The following CDK8 variants were observed in gnomAD, a reference collection of about 807,000 sequenced individuals.
The protein encoded by CDK8 is cyclin-dependent kinase 8.
Under a neutral mutation model 71.5 loss-of-function variants are expected in CDK8, and 29 were observed. The observed-to-expected ratio is 0.41, with a 90% CI of 0.30 to 0.55. The LOEUF is 0.55. CDK8 is among the 20% of genes least tolerant of loss of function. The pLI is 0.37. For missense variants in CDK8, 288 were observed against 572.6 expected (o/e 0.50, Z 5.07); for synonymous variants, 161 against 192.1 (o/e 0.84, Z 1.34).
intron 6 of CDK8, 47 bp from the exon 7 acceptor site, chr13:26,393,320 T>C (rs1326619276): frequency 7.8e-7 from 1 of 1,288,974 alleles, no homozygotes; most frequent in Non-Finnish European, 1.1e-6. Context: ...TTTTTCTTTT[T>C]TCCTTGCCTA....
In CDK8 at chr13:26,404,024, A is replaced by G. The variant is rs1876392079; in HGVS notation, c.1338A>G (p.Gly446=). 1.5e-5 allele frequency: 24 copies of G among 1,614,000 alleles called. No individual in the cohort carries two copies. The highest frequency in any genetic ancestry group is 1.9e-5 in the Non-Finnish European group (23 of 1,179,996). The change falls in exon 13 of 13, where the codon GGA becomes GGG. Residue 446 remains glycine, a synonymous_variant. Transcript: ENST00000381527. ...CATCACAGCCGCAGAGCAGCATGGG[A>G]TACTCAGCTACCTCCCAGCAGCCTC... ...PSTSQPQSSM[G]YSATSQQPPQ...
chr13:26,351,593 A>G (rs1434769977), intron 3 of CDK8, among the ~76,000 whole-genome samples: 1 of 152,190 alleles, frequency 6.6e-6, no homozygotes, highest in African/African-American at 2.4e-5. Context: ...TCTAGCTGCT[A>G]GTTTGTAATA....
At position 26,396,802 on chromosome 13, in the gene CDK8, A is replaced by T. The variant is rs1565999129; in HGVS notation, c.861-351A>T. Among the ~76,000 whole-genome samples, 3 of 152,242 alleles carry T rather than the reference A, an allele frequency of 2.0e-5. No individual in the cohort carries two copies. In the East Asian group the frequency reaches 5.8e-4, roughly 29 times the overall value. ...GGGATTGGGAGAGTTTAGTTTGTAT[A>T]CCTATGACAAAAGTATTTTACACTT... On this transcript the variant is annotated intron_variant, in intron 8 of 12. Transcript: ENST00000381527.
chr13:26,317,003 G>A (rs1469840955), intron 1 of CDK8, among the ~76,000 whole-genome samples: 1 of 152,012 alleles, frequency 6.6e-6, no homozygotes. Flanking sequence ...TGTCAATTAA[G>A]AGATAGAAAA....
At chr13:26,312,141 A>C (rs180884621) in intron 1 of CDK8, among the ~76,000 whole-genome samples, 1 of 152,266 alleles carries the variant, frequency 6.6e-6, no homozygotes. Context: ...TTGTAAATGC[A>C]CCAATCAGCA....
At chr13:26,347,864 G>A (rs1873524612) in intron 2 of CDK8, among the ~76,000 whole-genome samples, 1 of 152,110 alleles carries the variant, frequency 6.6e-6, no homozygotes, top group Non-Finnish European at 1.5e-5. Context: ...AAATGGTACA[G>A]CTGCAAGTTT....
rs144151586 is a variant in CDK8, at chr13:26,329,803, C to T, written c.129-7764C>T. Among the ~76,000 whole-genome samples, 1,188 of 152,080 alleles carry T rather than the reference C, an allele frequency of 7.8e-3. 26 individuals carry two copies. The highest frequency in any genetic ancestry group is 0.027 in the African/African-American group (1,122 of 41,474). On this transcript the variant is annotated intron_variant, in intron 1 of 12. Coordinates refer to ENST00000381527, the MANE Select transcript of CDK8 (RefSeq NM_001260.3). Reference sequence around the variant, plus strand: ...ACAAGCCTGAGCCACTGCACCCGGCCGCCTATTTCTAAAATCTCATCTGTC... The same window carrying T: ...ACAAGCCTGAGCCACTGCACCCGGCTGCCTATTTCTAAAATCTCATCTGTC...
chr13:26,336,700 C>T (rs945877755), intron 1 of CDK8, among the ~76,000 whole-genome samples: 2 of 152,074 alleles, frequency 1.3e-5, no homozygotes, highest in Admixed American at 1.3e-4. Flanking sequence ...ACTACAGGCG[C>T]CCGCCACCAC....
At chr13:26,368,562 G>A (rs1565988618) in intron 4 of CDK8, among the ~76,000 whole-genome samples, 1 of 152,080 alleles carries the variant, frequency 6.6e-6, no homozygotes, top group East Asian at 1.9e-4. Context: ...GAAATTCTAA[G>A]ATTTAAAAAG....
chr13:26,386,498 T>C (rs956745950), intron 6 of CDK8, among the ~76,000 whole-genome samples: 3 of 152,170 alleles, frequency 2.0e-5, no homozygotes, highest in Admixed American at 1.3e-4. Context: ...CTATTTTGGA[T>C]TGGTTGGTCT....
intron 1 of CDK8, among the ~76,000 whole-genome samples, chr13:26,322,856 A>G (rs558238633): frequency 9.9e-5 from 15 of 152,200 alleles, no homozygotes; most frequent in African/African-American, 3.6e-4. Context: ...TATCTATGTA[A>G]TTCAACTGAA....
At chr13:26,272,844 T>A (rs1872394429) in intron 1 of CDK8, among the ~76,000 whole-genome samples, 1 of 152,196 alleles carries the variant, frequency 6.6e-6, no homozygotes, top group Non-Finnish European at 1.5e-5. Flanking sequence ...TCTATTTTAA[T>A]CTTATGGGAC....
intron 1 of CDK8, among the ~76,000 whole-genome samples, chr13:26,275,089 A>T (rs954607225): frequency 6.6e-6 from 1 of 152,196 alleles, no homozygotes; most frequent in Non-Finnish European, 1.5e-5. Flanking sequence ...ATTACCCTAC[A>T]TTCCCAACTT....
chr13:26,273,153 T>C (rs1872408270), intron 1 of CDK8, among the ~76,000 whole-genome samples: 1 of 152,208 alleles, frequency 6.6e-6, no homozygotes, highest in Admixed American at 6.5e-5. Context: ...GTGATGGATA[T>C]ACAGTTGTCC....
At chr13:26,334,128 C>G (rs905628847) in intron 1 of CDK8, among the ~76,000 whole-genome samples, 1 of 151,982 alleles carries the variant, frequency 6.6e-6, no homozygotes, top group Non-Finnish European at 1.5e-5. Context: ...ACATATATTA[C>G]TTGGAGTAGG....
At chr13:26,288,587 C>A (rs1873138103) in intron 1 of CDK8, among the ~76,000 whole-genome samples, 1 of 151,288 alleles carries the variant, frequency 6.6e-6, no homozygotes, top group African/African-American at 2.4e-5. Context: ...CTACCCCACC[C>A]CACCCCCCAC....
intron 1 of CDK8, among the ~76,000 whole-genome samples, chr13:26,328,816 T>C (rs942481060): frequency 2.0e-5 from 3 of 152,222 alleles, no homozygotes; most frequent in African/African-American, 7.2e-5. Context: ...CTTGAATTGC[T>C]TGAATTGCTC....
At chr13:26,262,973 A>G (rs79152117) in intron 1 of CDK8, among the ~76,000 whole-genome samples, 1 of 152,356 alleles carries the variant, frequency 6.6e-6, no homozygotes, top group East Asian at 1.9e-4. Context: ...GAATTTTTAC[A>G]TCATGATGAA....
intron 1 of CDK8, among the ~76,000 whole-genome samples, chr13:26,334,128 C>T (rs905628847): frequency 2.0e-5 from 3 of 151,982 alleles, no homozygotes; most frequent in South Asian, 2.1e-4. Context: ...ACATATATTA[C>T]TTGGAGTAGG....
Sources: gnomAD v4.1 joint callset for allele counts (sites outside exome capture counted in the v4.1 genomes callset) on GRCh38, gnomAD v4.1.1 for gene constraint, MANE v1.5 for transcripts, NCBI Gene and HGNC (gene_info 2026-07-23, HGNC 2026-07-21) for gene names.